The following TIA1 variants were observed in gnomAD, a reference collection of about 807,000 sequenced individuals.
TIA1 encodes the protein TIA1 cytotoxic granule associated RNA binding protein, also known as cytotoxic granule associated RNA binding protein TIA1.
TIA1 carries 23 observed loss-of-function variants against 65.9 expected under a neutral mutation model. The ratio of observed to expected loss-of-function variants is 0.35; its 90% confidence interval spans 0.25 to 0.49. The LOEUF is 0.49. Among genes scored for constraint, TIA1 ranks in the 20% least tolerant of loss-of-function variants. The pLI is 0.98. For synonymous variants in TIA1, 147 were observed against 149.4 expected (o/e 0.98, Z 0.12); for missense variants, 371 against 477.9 (o/e 0.78, Z 2.09).
In TIA1 at chr2:70,209,708, T is replaced by C. The variant is rs1558716551; in HGVS notation, c.*3011A>G. The C allele has an allele frequency of 2.5e-6, 1 of 398,306 alleles. No homozygotes were observed. Among genetic ancestry groups the C allele is most frequent in the South Asian group, 1.3e-4 (1 of 7,860 alleles). The allele number at this position is 398,306 out of a possible 1,614,324, so 24.7% of individuals were successfully genotyped here. A position where few individuals can be genotyped will look rare whatever the true frequency, so the allele number is the denominator to read the frequency against. Reference sequence around the variant, plus strand: ...TGACGATTTCGTGAAATAAAGAACATTATTTGAGAGAAAAAAACTGATTTT... The same window carrying C: ...TGACGATTTCGTGAAATAAAGAACACTATTTGAGAGAAAAAAACTGATTTT... On this transcript the variant is annotated 3_prime_UTR_variant, in exon 13 of 13. Coordinates refer to ENST00000433529, the MANE Select transcript of TIA1 (RefSeq NM_022173.4).
chr2:70,248,556 C>T lies in TIA1; in HGVS notation c.-126G>A. The T allele has an allele frequency of 2.8e-6, 4 of 1,429,144 alleles. No homozygotes were observed. Among genetic ancestry groups the T allele is most frequent in the Non-Finnish European group, 3.8e-6 (4 of 1,040,696 alleles). 88.5% of individuals were successfully genotyped at this position (1,429,144 alleles called of 1,614,324 possible). On this transcript the variant is annotated 5_prime_UTR_variant, in exon 1 of 13. Coordinates refer to ENST00000433529, the MANE Select transcript of TIA1 (RefSeq NM_022173.4). Reference sequence around the variant, plus strand: ...CGGCTGACCAGAGGTTACTCCGCCTCCTCCTCCGGCGGCAATTACACTAAA... The same window carrying T: ...CGGCTGACCAGAGGTTACTCCGCCTTCTCCTCCGGCGGCAATTACACTAAA...
intron 2 of TIA1, among the ~76,000 whole-genome samples, chr2:70,233,300 T>C (rs906064877): frequency 1.3e-5 from 2 of 152,196 alleles, no homozygotes; most frequent in African/African-American, 4.8e-5. Context: ...TCACTGGCAA[T>C]GACTTGTAAA....
chr2:70,226,242 T>C (rs1683742637), intron 6 of TIA1, among the ~76,000 whole-genome samples: 1 of 151,716 alleles, frequency 6.6e-6, no homozygotes, highest in African/African-American at 2.4e-5. Context: ...GAGAAAAAAA[T>C]ATAACCCACG....
Position 70,236,550 on chromosome 2 carries a change from T to C in TIA1, c.27-375A>G, listed in dbSNP as rs540339224. Among the ~76,000 whole-genome samples, 6 of 151,924 alleles carry C rather than the reference T, an allele frequency of 3.9e-5. No homozygotes were observed. In the East Asian group the frequency reaches 9.7e-4, roughly 24 times the overall value. On this transcript the variant is annotated intron_variant, in intron 1 of 12. Coordinates refer to ENST00000433529, the MANE Select transcript of TIA1 (RefSeq NM_022173.4). ...TATATTGCTCAGGCTGCTCTCAAAC[T>C]CCTGGCCTCAAGCAAACCTACTGCC...
chr2:70,227,618 AC>A, intron 6 of TIA1, 116 bp downstream of exon 6: 1 of 630,976 alleles, frequency 1.6e-6, no homozygotes. Context: ...ACAATGTAAT[AC>A]ATTATATTCA....
intron 7 of TIA1, among the ~76,000 whole-genome samples, chr2:70,218,570 C>T (rs1558778456): frequency 6.6e-6 from 1 of 152,116 alleles, no homozygotes. Context: ...CCAAGCCCGG[C>T]TAATTTTTTT....
chr2:70,217,115 T>C, intron 7 of TIA1, 121 bp from the exon 8 acceptor site: 1 of 886,614 alleles, frequency 1.1e-6, no homozygotes, highest in Non-Finnish European at 1.6e-6. Flanking sequence ...CTCTATGAAA[T>C]ACACAACATA....
intron 2 of TIA1, among the ~76,000 whole-genome samples, chr2:70,234,429 C>A (rs998034373): frequency 6.6e-6 from 1 of 151,966 alleles, no homozygotes; most frequent in Non-Finnish European, 1.5e-5. Context: ...AAAGGCATAC[C>A]GATATTAAAT....
chr2:70,215,720 G>C lies in TIA1; in HGVS notation c.765-226C>G, dbSNP rs146378135. 2.6e-4 allele frequency: 120 copies of C among 465,532 alleles called. 1 individual carries two copies. In the East Asian group the frequency reaches 4.9e-3, roughly 19 times the overall value. The allele number at this position is 465,532 out of a possible 1,614,324, so 28.8% of individuals were successfully genotyped here. ...TTAGGGAGGGAGCTATAAAATCACA[G>C]AGGCAAATACGCTGGATGCTAGAGA... On this transcript the variant is annotated intron_variant, in intron 10 of 12. Transcript: ENST00000433529.
In TIA1 at chr2:70,243,362, G is replaced by A. The variant is rs538418967; in HGVS notation, c.26+5043C>T. Among the ~76,000 whole-genome samples the A allele has an allele frequency of 3.9e-5, 6 of 152,246 alleles. No individual in the cohort carries two copies. In the South Asian group the frequency reaches 1.2e-3, roughly 32 times the overall value. ...AGATCCCTTGAGCCTGAGAGGTCGAGGCTACAGTGAGCTGTGATCACACCA... is the reference window on the plus strand; with the variant it reads ...AGATCCCTTGAGCCTGAGAGGTCGAAGCTACAGTGAGCTGTGATCACACCA... On this transcript the variant is annotated intron_variant, in intron 1 of 12. Transcript: ENST00000433529.
chr2:70,215,053 G>A, intron 11 of TIA1: 2 of 247,634 alleles, frequency 8.1e-6, no homozygotes, highest in South Asian at 1.3e-4. Flanking sequence ...TTTCAGTTGA[G>A]TCAAGCATGC....
chr2:70,228,107 AATAAC>A (rs901219681), intron 5 of TIA1, among the ~76,000 whole-genome samples: 2 of 152,192 alleles, frequency 1.3e-5, no homozygotes, highest in Non-Finnish European at 2.9e-5. Context: ...AAAATAAACT[AATAAC>A]ATACAAGTTT....
rs375840602 is a variant in TIA1 at position 70,245,400 on chromosome 2, G to C, written c.26+3005C>G. Among the ~76,000 whole-genome samples the C allele has an allele frequency of 3.9e-5, 6 of 152,200 alleles. 1 individual carries two copies. The highest frequency in any genetic ancestry group is 1.4e-4 in the African/African-American group (6 of 41,442). Reference sequence around the variant, plus strand: ...AAAGAGAACACTCATGCATTTGAGAGTAAACCACACAAAGGATATTAAGGT... The same window carrying C: ...AAAGAGAACACTCATGCATTTGAGACTAAACCACACAAAGGATATTAAGGT... On this transcript the variant is annotated intron_variant, in intron 1 of 12. Transcript: ENST00000433529.
rs765769608 is a variant in TIA1 at position 70,248,566 on chromosome 2, C to T, written c.-136G>A. 115 of 1,348,292 alleles carry T rather than the reference C, an allele frequency of 8.5e-5. No individual in the cohort carries two copies. In the African/African-American group the frequency reaches 1.2e-3, roughly 15 times the overall value. The allele number at this position is 1,348,292 out of a possible 1,614,324, so 83.5% of individuals were successfully genotyped here. A position where few individuals can be genotyped will look rare whatever the true frequency, so the allele number is the denominator to read the frequency against. On this transcript the variant is annotated 5_prime_UTR_variant, in exon 1 of 13. Coordinates refer to ENST00000433529, the MANE Select transcript of TIA1 (RefSeq NM_022173.4). ...GAGGTTACTCCGCCTCCTCCTCCGG[C>T]GGCAATTACACTAAACCGCCCGGCC...
At position 70,227,767 on chromosome 2, in the gene TIA1, T is replaced by C; in HGVS notation, c.366A>G (p.Ile122Met). 2.5e-6 allele frequency: 4 copies of C among 1,595,988 alleles called. No individual in the cohort carries two copies. Among genetic ancestry groups the C allele is most frequent in the Non-Finnish European group, 3.4e-6 (4 of 1,168,964 alleles). The change falls in exon 6 of 13, where the codon ATA becomes ATG. Residue 122 changes from isoleucine (I) to methionine (M), a missense_variant. By Grantham distance (10) the Ile-to-Met change is conservative. Transcript: ENST00000433529. ...TTCCAAATGGTGCAAAAGCAGCTTT[T>C]ATATCTTCAGTTGTAATTTCTGGGC... is the stretch of plus-strand genomic sequence containing the variant. The part of the protein sequence containing the change: ...DLSPEITTED[I>M]KAAFAPFGRI...
rs1187134090 is a variant in TIA1, at chr2:70,211,969, G to A, written c.*750C>T. 6.6e-6 allele frequency: 1 copy of A among 152,416 alleles called. No individual in the cohort carries two copies. The highest frequency in any genetic ancestry group is 1.5e-5 in the Non-Finnish European group (1 of 68,020). The allele number at this position is 152,416 out of a possible 1,614,324, so 9.4% of individuals were successfully genotyped here. ...CCTGGTACACAGCAAAGTTTATCAC[G>A]AAAGATAAAAATCCTTTTAAACAAA... is the stretch of plus-strand genomic sequence containing the variant. On this transcript the variant is annotated 3_prime_UTR_variant, in exon 13 of 13. Transcript: ENST00000433529.
chr2:70,230,709 T>C, intron 3 of TIA1, 47 bp downstream of exon 3: 1 of 1,392,004 alleles, frequency 7.2e-7, no homozygotes, highest in South Asian at 1.3e-5. Flanking sequence ...CATATATAAC[T>C]TAAATTTTTT....
intron 1 of TIA1, among the ~76,000 whole-genome samples, chr2:70,248,137 G>C (rs147011497): frequency 6.6e-6 from 1 of 152,318 alleles, no homozygotes; most frequent in East Asian, 1.9e-4. Flanking sequence ...CCAGGTCTAA[G>C]ACCACAGAGG....
chr2:70,215,803 A>G (rs985559594), intron 10 of TIA1: 3 of 319,892 alleles, frequency 9.4e-6, no homozygotes, highest in African/African-American at 4.4e-5. Context: ...GCTGGAGTGC[A>G]GTGATTGTGA....
Sources: gnomAD v4.1 joint callset for allele counts (sites outside exome capture counted in the v4.1 genomes callset) on GRCh38, gnomAD v4.1.1 for gene constraint, MANE v1.5 for transcripts, NCBI Gene and HGNC (gene_info 2026-07-23, HGNC 2026-07-21) for gene names.